Variants in MEIS3 observed in about 807,000 individuals in gnomAD.
MEIS3 encodes homeobox protein Meis3.
MEIS3 carries 38 observed loss-of-function variants against 51.4 expected under a neutral mutation model. The observed-to-expected ratio is 0.74, with a 90% CI of 0.57 to 0.97. The LOEUF is 0.97. MEIS3 is among the 50% of genes least tolerant of loss of function. The pLI is 0.00. For synonymous variants in MEIS3, 198 were observed against 201.8 expected (o/e 0.98, Z 0.16); for missense variants, 456 against 502.6 (o/e 0.91, Z 0.89).
chr19:47,419,223 C>T lies in MEIS3; in HGVS notation c.-142G>A. On this transcript the variant is annotated 5_prime_UTR_variant, in exon 1 of 13. Coordinates refer to ENST00000558555, the MANE Select transcript of MEIS3 (RefSeq NM_001301059.2). ...GGCCAGGCGCGCGCCCCCCCACCCC[C>T]GCCGCCGTCAGCGGCAGGCGCCGGG... 2.0e-6 allele frequency: 1 copy of T among 493,258 alleles called. No homozygotes were observed. The allele number at this position is 493,258 out of a possible 1,614,324, so 30.6% of individuals were successfully genotyped here.
chr19:47,417,405 A>AG, intron 1 of MEIS3, 55 bp from the exon 2 acceptor site: 1 of 1,600,436 alleles, frequency 6.2e-7, no homozygotes, highest in Non-Finnish European at 8.6e-7. Flanking sequence ...CAGCACCCCG[A>AG]GACTCGGCTG....
At chr19:47,417,955 C>T in intron 1 of MEIS3, 2 of 517,768 alleles carry the variant, frequency 3.9e-6, no homozygotes, top group Non-Finnish European at 6.8e-6. Flanking sequence ...ATGCACACAG[C>T]CCAACACCAG....
At chr19:47,418,911 C>T (rs576257137) in intron 1 of MEIS3, 159 bp downstream of exon 1, 69 of 424,200 alleles carry the variant, frequency 1.6e-4, no homozygotes, top group African/African-American at 1.4e-3. Context: ...AGGGGGCACA[C>T]AGGGACTGGG....
At chr19:47,417,712 G>A in intron 1 of MEIS3, 1 of 700,216 alleles carries the variant, frequency 1.4e-6, no homozygotes, top group Non-Finnish European at 2.6e-6. Flanking sequence ...GACACCTCCT[G>A]TAGGAACCGC....
rs1468158290 is a variant in MEIS3 at position 47,403,547 on chromosome 19, G to T, written c.*24C>A. ...GTGAGGCTGGGGGTCACAGCCGGAG[G>T]CTGGGTCTGTGGAGAGGGGAGGAGA... On this transcript the variant is annotated 3_prime_UTR_variant, in exon 13 of 13. Coordinates refer to ENST00000558555, the MANE Select transcript of MEIS3 (RefSeq NM_001301059.2). 1 of 448,672 alleles carries T rather than the reference G, an allele frequency of 2.2e-6. No homozygotes were observed. Among genetic ancestry groups the T allele is most frequent in the East Asian group, 7.0e-5 (1 of 14,326 alleles). 27.8% of individuals were successfully genotyped at this position (448,672 alleles called of 1,614,324 possible). A position where few individuals can be genotyped will look rare whatever the true frequency, so the allele number is the denominator to read the frequency against.
At chr19:47,411,999 A>G (rs957324962) in intron 6 of MEIS3, among the ~76,000 whole-genome samples, 3 of 151,702 alleles carry the variant, frequency 2.0e-5, no homozygotes, top group South Asian at 2.1e-4. Flanking sequence ...GCGCCTGGCT[A>G]ATTTTTCTTA....
intron 12 of MEIS3, among the ~76,000 whole-genome samples, chr19:47,404,639 C>T (rs1167894280): frequency 6.6e-6 from 1 of 152,134 alleles, no homozygotes; most frequent in Non-Finnish European, 1.5e-5. Flanking sequence ...GCTGGTCTCA[C>T]CTCCAAAGTC....
At chr19:47,406,851 C>T (rs1321962289) in intron 11 of MEIS3, 37 bp downstream of exon 11, 6 of 1,527,344 alleles carry the variant, frequency 3.9e-6, no homozygotes, top group South Asian at 3.6e-5. Context: ...GGTCATGGTG[C>T]GCAGGGGCGG....
chr19:47,420,938 A>ACTCTCTCTCTCTCTCT (rs1282443244), upstream of MEIS3, among the ~76,000 whole-genome samples: 5 of 83,548 alleles, frequency 6.0e-5, no homozygotes, highest in African/African-American at 2.7e-4. Flanking sequence ...ACACACACAC[A>ACTCTCTCTCTCTCTCT]CACTCTCTCT....
upstream of MEIS3, among the ~76,000 whole-genome samples, chr19:47,419,797 C>A (rs1303377514): frequency 1.3e-5 from 2 of 151,992 alleles, no homozygotes; most frequent in Non-Finnish European, 2.9e-5. Flanking sequence ...TTGTCTCTCT[C>A]TGTCTCCGCT....
chr19:47,406,617 G>GA (rs1970831348), intron 11 of MEIS3, 91 bp from the exon 12 acceptor site: 15 of 1,276,518 alleles, frequency 1.2e-5, no homozygotes, highest in Non-Finnish European at 1.7e-5. Context: ...TACACCAGGG[G>GA]ATCCCTCTAC....
Position 47,408,188 on chromosome 19 carries a change from G to A in MEIS3, c.859-760C>T, listed in dbSNP as rs181749662. Among the ~76,000 whole-genome samples the A allele has an allele frequency of 2.4e-3, 367 of 151,674 alleles. 2 individuals are homozygous for A. The highest frequency in any genetic ancestry group is 4.3e-3 in the Non-Finnish European group (290 of 67,928). ...GTCACTCAGGCTGGAGTGCAGTGGC[G>A]CCTTCATGGCTCACTGCAGCCTCAA... On this transcript the variant is annotated intron_variant, in intron 8 of 12. Transcript: ENST00000558555.
chr19:47,407,117 C>A lies in MEIS3; in HGVS notation c.956G>T (p.Arg319Leu). ...TTGATCGATCATAGGTTGCACGATGCGTCTCCGGGCGTTAATGAACCTGGG... is the reference window on the plus strand; with the variant it reads ...TTGATCGATCATAGGTTGCACGATGAGTCTCCGGGCGTTAATGAACCTGGG... ...VNNWFINARR[R>L]IVQPMIDQSN... Residue 319 changes from arginine (R) to leucine (L), a missense_variant, in exon 10 of 13, where the codon CGC (arginine) becomes CTC (leucine). Arg to Leu is a moderately radical substitution (Grantham distance 102). Coordinates refer to ENST00000558555, the MANE Select transcript of MEIS3 (RefSeq NM_001301059.2). 1 of 1,610,182 alleles carries A rather than the reference C, an allele frequency of 6.2e-7. No individual in the cohort carries two copies. Among genetic ancestry groups the A allele is most frequent in the South Asian group, 1.1e-5 (1 of 89,982 alleles).
rs375779090 is a variant in MEIS3 at position 47,409,531 on chromosome 19, C to T, written c.614G>A (p.Arg205Gln). 7.7e-5 allele frequency: 125 copies of T among 1,613,366 alleles called. No individual in the cohort carries two copies. The highest frequency in any genetic ancestry group is 3.3e-4 in the Admixed American group (20 of 60,002). Residue 205 changes from arginine to glutamine, a missense_variant, in exon 7 of 13, where the codon CGA becomes CAA. Physicochemically the swap from Arg to Gln is conservative, Grantham distance 43. Transcript: ENST00000558555. ...TACAGACCCACTATCCTCATGGTCT[C>T]GAATCCACATATTATTCTAGAAAAC... is the stretch of plus-strand genomic sequence containing the variant. ...SLPDQNNMWIRDHEDSGSVHL... is the reference protein window; with the variant it reads ...SLPDQNNMWIQDHEDSGSVHL...
chr19:47,419,847 G>GAGA (rs1555744281), upstream of MEIS3, among the ~76,000 whole-genome samples: 2 of 151,972 alleles, frequency 1.3e-5, no homozygotes, highest in African/African-American at 4.8e-5. Flanking sequence ...TGTTCTCCGA[G>GAGA]CCCCCTGGAC....
At chr19:47,415,753 T>C (rs1268457579) in intron 4 of MEIS3, 1 of 152,206 alleles carries the variant, frequency 6.6e-6, no homozygotes, top group Non-Finnish European at 1.5e-5. Flanking sequence ...TTTGTATTTT[T>C]AGTAGAGACA....
upstream of MEIS3, among the ~76,000 whole-genome samples, chr19:47,421,464 G>A (rs12460626): frequency 0.17 from 25,457 of 152,060 alleles, 4,191 homozygotes; most frequent in African/African-American, 0.42. Context: ...CCGAATGAAC[G>A]AGGATCCACC....
chr19:47,414,896 C>G, intron 5 of MEIS3, 30 bp from the exon 6 acceptor site: 2 of 1,492,748 alleles, frequency 1.3e-6, no homozygotes, highest in East Asian at 2.3e-5. Flanking sequence ...CTGGGGGGGG[C>G]CACCCACGGG....
chr19:47,408,667 C>T (rs1970966687), intron 8 of MEIS3, among the ~76,000 whole-genome samples: 1 of 152,082 alleles, frequency 6.6e-6, no homozygotes, highest in South Asian at 2.1e-4. Flanking sequence ...CTCCTCTGTC[C>T]TTGAAGCAGT....
Sources: allele counts gnomAD v4.1 joint callset (sites outside exome capture counted in the v4.1 genomes callset), GRCh38; gene constraint gnomAD v4.1.1; transcripts MANE v1.5; gene names NCBI Gene and HGNC (gene_info 2026-07-23, HGNC 2026-07-21).